TENM3: variants seen among roughly 807,000 people sequenced by gnomAD.
The protein encoded by TENM3 is teneurin-3.
In TENM3, 63 loss-of-function variants were observed where a neutral mutation model predicts 255.1. The ratio of observed to expected loss-of-function variants is 0.25; its 90% CI spans 0.20 to 0.30. The LOEUF is 0.30. TENM3 is among the 10% of genes least tolerant of loss of function. The pLI is 1.00. For synonymous variants in TENM3, 1,306 were observed against 1,322.3 expected, an observed-to-expected ratio of 0.99 and a Z score of 0.27; for missense variants, 2,929 against 3,461.1, an observed-to-expected ratio of 0.85 and a Z score of 3.86.
At chr4:182,481,576 C>T (rs1292590936) in intron 3 of TENM3, among the ~76,000 whole-genome samples, 2 of 152,138 alleles carry the variant, frequency 1.3e-5, no homozygotes, top group African/African-American at 4.8e-5. Flanking sequence ...AGACGGATTG[C>T]CTGAGCTCAG....
the TENM3 span, among the ~76,000 whole-genome samples, chr4:181,669,719 A>G: frequency 2.2e-4 from 34 of 152,214 alleles, no homozygotes; most frequent in East Asian, 5.6e-3. Flanking sequence ...TGGGATGTCT[A>G]TCTAGTCCTG....
At chr4:182,366,972 A>G (rs576256534) in intron 3 of TENM3, among the ~76,000 whole-genome samples, 98 of 152,270 alleles carry the variant, frequency 6.4e-4, no homozygotes, top group African/African-American at 2.3e-3. Context: ...CGTTTTAAGG[A>G]ATAAAAGACA....
chr4:182,503,514 C>A (rs573892078), intron 3 of TENM3, among the ~76,000 whole-genome samples: 21 of 152,206 alleles, frequency 1.4e-4, no homozygotes, highest in Non-Finnish European at 3.1e-4. Flanking sequence ...TTTTCTGCCC[C>A]AAGTAACAAT....
the TENM3 span, among the ~76,000 whole-genome samples, chr4:181,937,413 G>A: frequency 1.3e-5 from 2 of 152,202 alleles, no homozygotes; most frequent in South Asian, 2.1e-4. Flanking sequence ...GATTCCTAGC[G>A]AGGGAAGAAG....
chr4:182,294,032 C>A (rs115800134), intron 1 of TENM3, among the ~76,000 whole-genome samples: 2 of 152,016 alleles, frequency 1.3e-5, no homozygotes, highest in Non-Finnish European at 2.9e-5. Context: ...ATCACAGGCC[C>A]GGGTAAACTT....
At chr4:181,456,813 A>T in the TENM3 span, among the ~76,000 whole-genome samples, 5 of 152,012 alleles carry the variant, frequency 3.3e-5, no homozygotes, top group African/African-American at 1.2e-4. Context: ...TTAAAAAATC[A>T]CAAGACTACA....
intron 24 of TENM3, among the ~76,000 whole-genome samples, chr4:182,779,115 G>A (rs924218220): frequency 6.9e-6 from 1 of 144,110 alleles, no homozygotes; most frequent in Non-Finnish European, 1.5e-5. Context: ...GTGTAGGTTA[G>A]TTACATATGT....
the TENM3 span, among the ~76,000 whole-genome samples, chr4:181,598,626 T>C: frequency 6.6e-6 from 1 of 152,026 alleles, no homozygotes; most frequent in African/African-American, 2.4e-5. Context: ...TGTGTAACCA[T>C]TATTCCATGA....
At chr4:181,796,999 CAA>C in the TENM3 span, among the ~76,000 whole-genome samples, 1 of 152,096 alleles carries the variant, frequency 6.6e-6, no homozygotes, top group East Asian at 1.9e-4. Context: ...TTTCAGACGG[CAA>C]AGAGGGAGGC....
intron 3 of TENM3, among the ~76,000 whole-genome samples, chr4:182,449,447 C>T (rs112921242): frequency 0.018 from 2,035 of 113,796 alleles, 26 homozygotes; most frequent in Middle Eastern, 0.043. Context: ...CTTTTGTTCC[C>T]GGTATTTTTA....
the TENM3 span, among the ~76,000 whole-genome samples, chr4:182,019,098 G>A: frequency 6.6e-6 from 1 of 152,178 alleles, no homozygotes; most frequent in Non-Finnish European, 1.5e-5. Context: ...GTTACCTGGT[G>A]AGCAATAACA....
intron 19 of TENM3, among the ~76,000 whole-genome samples, chr4:182,747,310 A>G (rs1430609193): frequency 6.6e-6 from 1 of 152,190 alleles, no homozygotes; most frequent in Non-Finnish European, 1.5e-5. Flanking sequence ...ATAAAAACAC[A>G]TTGTCTTATT....
chr4:182,034,385 T>C, the TENM3 span, among the ~76,000 whole-genome samples: 42 of 152,288 alleles, frequency 2.8e-4, 1 homozygote, highest in South Asian at 7.1e-3. Context: ...CCACTTGCAT[T>C]TAAGGTTAAT....
intron 4 of TENM3, among the ~76,000 whole-genome samples, chr4:182,614,416 T>A (rs2152436510): frequency 1.3e-5 from 2 of 152,268 alleles, no homozygotes; most frequent in South Asian, 4.1e-4. Flanking sequence ...TCATCCTTTT[T>A]AAAAGTTAGC....
At chr4:181,903,254 A>G in the TENM3 span, among the ~76,000 whole-genome samples, 4 of 152,228 alleles carry the variant, frequency 2.6e-5, no homozygotes, top group African/African-American at 9.6e-5. Context: ...ATGTGTATAT[A>G]TATTTGCTAT....
intron 6 of TENM3, among the ~76,000 whole-genome samples, chr4:182,656,728 C>T (rs1050256405): frequency 6.6e-6 from 1 of 152,194 alleles, no homozygotes; most frequent in Non-Finnish European, 1.5e-5. Flanking sequence ...CTTACTTGTG[C>T]AGTCCTATTT....
intron 1 of TENM3, among the ~76,000 whole-genome samples, chr4:182,233,649 G>A (rs903670401): frequency 6.6e-6 from 1 of 152,142 alleles, no homozygotes; most frequent in Non-Finnish European, 1.5e-5. Flanking sequence ...TATTTGACAC[G>A]TGGTCACTGT....
At chr4:182,238,711 G>C (rs988914859), upstream of TENM3, among the ~76,000 whole-genome samples, 7 of 152,242 alleles carry the variant, frequency 4.6e-5, no homozygotes, top group Non-Finnish European at 7.4e-5. Flanking sequence ...CTGTGCCTAC[G>C]GACTGAATCA....
chr4:181,617,916 C>T, the TENM3 span, among the ~76,000 whole-genome samples: 3 of 152,158 alleles, frequency 2.0e-5, no homozygotes, highest in African/African-American at 7.2e-5. Flanking sequence ...ACAAGGATTG[C>T]ATGTTTCTGC....
Sources: allele counts gnomAD v4.1 joint callset (sites outside exome capture counted in the v4.1 genomes callset), GRCh38; gene constraint gnomAD v4.1.1; transcripts MANE v1.5; gene names NCBI Gene and HGNC (gene_info 2026-07-23, HGNC 2026-07-21).